GFOD1: variants seen among roughly 807,000 people sequenced by gnomAD.
The protein encoded by GFOD1 is glucose-fructose oxidoreductase domain-containing protein 1.
A neutral mutation model predicts 25.4 loss-of-function variants in GFOD1; 9 were observed. The ratio of observed to expected loss-of-function variants is 0.35; its 90% CI spans 0.21 to 0.62. The LOEUF is 0.62. Ranked by LOEUF, GFOD1 falls within the 20% of genes least tolerant of loss-of-function variation. GFOD1 has a pLI of 0.72. For missense variants in GFOD1, 403 were observed against 556.9 expected (o/e 0.72, Z 2.78); for synonymous variants, 253 against 245.6 (o/e 1.03, Z -0.28).
At chr6:13,404,121 G>T (rs758530039) in intron 1 of GFOD1, among the ~76,000 whole-genome samples, 4 of 152,206 alleles carry the variant, frequency 2.6e-5, no homozygotes, top group Non-Finnish European at 4.4e-5. Context: ...ATACATTTCT[G>T]TGATGTCTAA....
At chr6:13,463,054 A>C (rs1758320365) in intron 1 of GFOD1, among the ~76,000 whole-genome samples, 1 of 152,204 alleles carries the variant, frequency 6.6e-6, no homozygotes, top group Non-Finnish European at 1.5e-5. Flanking sequence ...GTGAGCAATT[A>C]AGCAACTGAA....
chr6:13,460,118 T>C (rs1270015382), intron 1 of GFOD1, among the ~76,000 whole-genome samples: 2 of 152,098 alleles, frequency 1.3e-5, no homozygotes, highest in East Asian at 1.9e-4. Flanking sequence ...TGGGAGACAA[T>C]GTGAGACTTC....
intron 1 of GFOD1, among the ~76,000 whole-genome samples, chr6:13,382,789 T>G (rs749211601): frequency 6.6e-6 from 1 of 152,172 alleles, no homozygotes; most frequent in Non-Finnish European, 1.5e-5. Context: ...CCAGCATGCA[T>G]TAGCTATTTT....
chr6:13,442,839 A>G (rs1757938299), intron 1 of GFOD1, among the ~76,000 whole-genome samples: 1 of 152,158 alleles, frequency 6.6e-6, no homozygotes, highest in East Asian at 1.9e-4. Flanking sequence ...GTCCCAGGAG[A>G]TGAGTGTTGT....
chr6:13,384,571 T>A (rs981101811), intron 1 of GFOD1, among the ~76,000 whole-genome samples: 2 of 152,212 alleles, frequency 1.3e-5, no homozygotes, highest in East Asian at 3.9e-4. Context: ...CTTCACTTGC[T>A]GTAGAGACTT....
At chr6:13,452,594 A>G (rs1434572532) in intron 1 of GFOD1, among the ~76,000 whole-genome samples, 1 of 152,170 alleles carries the variant, frequency 6.6e-6, no homozygotes, top group Non-Finnish European at 1.5e-5. Flanking sequence ...AAATTTTGCA[A>G]GGATACAAAC....
At chr6:13,447,555 T>G (rs865876307) in intron 1 of GFOD1, among the ~76,000 whole-genome samples, 1 of 151,772 alleles carries the variant, frequency 6.6e-6, no homozygotes, top group Non-Finnish European at 1.5e-5. Flanking sequence ...CTGGTCAACA[T>G]GGTGAAACCC....
chr6:13,399,075 C>T (rs1016397714), intron 1 of GFOD1, among the ~76,000 whole-genome samples: 2 of 152,168 alleles, frequency 1.3e-5, no homozygotes, highest in Admixed American at 6.5e-5. Context: ...AGTGCAGTGG[C>T]GCAATCAAAG....
In GFOD1 at chr6:13,370,122, T is replaced by C. The variant is rs141034281; in HGVS notation, c.254-4460A>G. 2.4e-3 allele frequency among the ~76,000 whole-genome samples: 363 copies of C among 152,348 alleles called. 1 individual carries two copies. Among genetic ancestry groups the C allele is most frequent in the South Asian group, 5.2e-3 (25 of 4,824 alleles). ...GGGAGCTGGCAGGTCCCAGCTCTCA[T>C]GGGCCCATCCCAGTTCCTGAGCCCC... On this transcript the variant is annotated intron_variant, in intron 1 of 1. Coordinates refer to ENST00000379287, the MANE Select transcript of GFOD1 (RefSeq NM_018988.4).
At position 13,365,487 on chromosome 6, in the gene GFOD1, C is replaced by A; in HGVS notation, c.429G>T (p.Pro143=). ...CGTGCACCTGCACCTCACACACCAG[C>A]GGCTCGCCCACGTAGCCCTCCTCGA... ...QLIEEGYVGE[P]LVCEVQVHGG... The change falls in exon 2 of 2, where the codon CCG becomes CCT. Residue 143 remains proline, a synonymous_variant. Transcript: ENST00000379287. The surrounding 1 kb of genome is among the most constrained non-coding windows in gnomAD (Gnocchi z 9.2). The A allele has an allele frequency of 6.2e-7, 1 of 1,613,406 alleles. No homozygotes were observed. Among genetic ancestry groups the A allele is most frequent in the South Asian group, 1.1e-5 (1 of 91,086 alleles).
intron 1 of GFOD1, among the ~76,000 whole-genome samples, chr6:13,448,829 C>G (rs1260991839): frequency 6.6e-6 from 1 of 152,160 alleles, no homozygotes; most frequent in Admixed American, 6.5e-5. Context: ...TCCTGAGATG[C>G]TCTGTTCTTA....
intron 1 of GFOD1, among the ~76,000 whole-genome samples, chr6:13,463,118 T>C (rs1758321342): frequency 6.6e-6 from 1 of 152,216 alleles, no homozygotes; most frequent in Admixed American, 6.5e-5. Context: ...AAGCACATTA[T>C]CTGTGACACC....
intron 1 of GFOD1, among the ~76,000 whole-genome samples, chr6:13,386,746 C>T (rs1341249302): frequency 2.0e-5 from 3 of 152,144 alleles, no homozygotes; most frequent in Admixed American, 6.5e-5. Context: ...TCTCGTGTCC[C>T]AGTCCTGACT....
At chr6:13,390,103 G>A (rs1262067994) in intron 1 of GFOD1, among the ~76,000 whole-genome samples, 1 of 152,098 alleles carries the variant, frequency 6.6e-6, no homozygotes, top group East Asian at 1.9e-4. Context: ...CCCAAGCCTT[G>A]TGTATCTCTC....
intron 1 of GFOD1, among the ~76,000 whole-genome samples, chr6:13,472,704 C>CA (rs1292124643): frequency 1.3e-5 from 2 of 151,912 alleles, no homozygotes; most frequent in East Asian, 1.9e-4. Context: ...TTCCATTGAC[C>CA]AAAAAAAGCC....
At chr6:13,450,808 T>C (rs115736460) in intron 1 of GFOD1, among the ~76,000 whole-genome samples, 154 of 152,308 alleles carry the variant, frequency 1.0e-3, no homozygotes, top group African/African-American at 3.5e-3. Flanking sequence ...CATCTTATGA[T>C]TTAGGAAAAA....
At position 13,413,202 on chromosome 6, in the gene GFOD1, G is replaced by A. The variant is rs561655808; in HGVS notation, c.254-47540C>T. ...AATTTGTCACTGCATCTGCCCACAG[G>A]GCCTTGACCCTTCCACACTCTCCTG... is the stretch of plus-strand genomic sequence containing the variant. On this transcript the variant is annotated intron_variant, in intron 1 of 1. Coordinates refer to ENST00000379287, the MANE Select transcript of GFOD1 (RefSeq NM_018988.4). 2.6e-5 allele frequency among the ~76,000 whole-genome samples: 4 copies of A among 152,242 alleles called. No individual in the cohort carries two copies. The South Asian group carries it at 8.3e-4, about 32-fold the overall frequency.
Position 13,487,246 on chromosome 6 carries a change from A to G in GFOD1, c.-356T>C. 8.5e-6 allele frequency: 2 copies of G among 235,512 alleles called. No homozygotes were observed. Among genetic ancestry groups the G allele is most frequent in the Non-Finnish European group, 1.6e-5 (2 of 123,336 alleles). 14.6% of individuals were successfully genotyped at this position (235,512 alleles called of 1,614,324 possible). Reference sequence around the variant, plus strand: ...CCAGTCCGCTGCGTGCGCCCCGCCAAGGCCGCTCCATGGCCGGCTCATCCC... The same window carrying G: ...CCAGTCCGCTGCGTGCGCCCCGCCAGGGCCGCTCCATGGCCGGCTCATCCC... On this transcript the variant is annotated 5_prime_UTR_variant, in exon 1 of 2. Coordinates refer to ENST00000379287, the MANE Select transcript of GFOD1 (RefSeq NM_018988.4). The surrounding 1 kb of genome is among the most constrained non-coding windows in gnomAD (Gnocchi z 4.9).
chr6:13,379,000 G>A (rs1005811719), intron 1 of GFOD1, among the ~76,000 whole-genome samples: 2 of 152,282 alleles, frequency 1.3e-5, no homozygotes, highest in African/African-American at 4.8e-5. Flanking sequence ...CTGCAGCCAG[G>A]AGGCAAACCA....
Sources: gnomAD v4.1 joint callset for allele counts (sites outside exome capture counted in the v4.1 genomes callset) on GRCh38, gnomAD v4.1.1 for gene constraint, Gnocchi (gnomAD v3.1) non-coding constraint, MANE v1.5 for transcripts, NCBI Gene and HGNC (gene_info 2026-07-23, HGNC 2026-07-21) for gene names.